The following SLAMF1 variants were observed in gnomAD, a reference collection of about 807,000 sequenced individuals.
The protein encoded by SLAMF1 is signaling lymphocytic activation molecule family member 1.
SLAMF1 carries 18 observed loss-of-function variants against 35.1 expected under a neutral mutation model. That is an observed-to-expected ratio of 0.51 (90% confidence interval 0.35 to 0.76). The LOEUF is 0.76. SLAMF1 is among the 30% of genes least tolerant of loss of function. The pLI, the probability that SLAMF1 is intolerant of heterozygous loss-of-function variation, is 0.01. For synonymous variants in SLAMF1, 168 were observed against 157.2 expected, an observed-to-expected ratio of 1.07 and a Z score of -0.51; for missense variants, 392 against 413.0, an observed-to-expected ratio of 0.95 and a Z score of 0.44.
At position 160,634,773 on chromosome 1, in the gene SLAMF1, C is replaced by T. The variant is rs370987747; in HGVS notation, c.540G>A (p.Ala180=). ...TGGCTGGGTTCAGTGGGTGGGTGCC[C>T]GCCTTTTCACTCCAGCTGTAAGCCA... The part of the protein sequence containing the change: ...DHVAYSWSEK[A]GTHPLNPANS... Residue 180 remains alanine, a synonymous_variant, in exon 3 of 7, where the codon GCG becomes GCA. Coordinates refer to ENST00000302035, the MANE Select transcript of SLAMF1 (RefSeq NM_003037.5). The T allele has an allele frequency of 5.8e-5, 94 of 1,614,054 alleles. No homozygotes were observed. The highest frequency in any genetic ancestry group is 3.8e-4 in the South Asian group (35 of 91,086).
rs760537897 is a variant in SLAMF1 at position 160,637,353 on chromosome 1, C to T, written c.253G>A (p.Glu85Lys). The change falls in exon 2 of 7, where the codon GAA (glutamate) becomes AAA (lysine). Residue 85 changes from glutamate (E) to lysine (K), a missense_variant. By Grantham distance (56) the Glu-to-Lys change is moderately conservative (BLOSUM62 1). Transcript: ENST00000302035. ...ENKIVSLDPS[E>K]AGPPRYLGDR... Reference sequence around the variant, plus strand: ...CCTAGATAACGTGGAGGGCCTGCTTCGGATGGATCAAGAGACACTATTTTG... The same window carrying T: ...CCTAGATAACGTGGAGGGCCTGCTTTGGATGGATCAAGAGACACTATTTTG... 8.7e-6 allele frequency: 14 copies of T among 1,613,976 alleles called. No homozygotes were observed. The Admixed American group carries it at 1.5e-4, about 17-fold the overall frequency.
chr1:160,643,396 C>T (rs1366788541), intron 1 of SLAMF1, among the ~76,000 whole-genome samples: 1 of 152,168 alleles, frequency 6.6e-6, no homozygotes, highest in African/African-American at 2.4e-5. Flanking sequence ...CTTCATGGCA[C>T]CCTGGGCGCT....
rs182821482 is a variant in SLAMF1, at chr1:160,623,532, G to A, written c.790+564C>T. 92 of 398,792 alleles carry A rather than the reference G, an allele frequency of 2.3e-4. No homozygotes were observed. In the East Asian group the frequency reaches 3.3e-3, roughly 14 times the overall value. The allele number at this position is 398,792 out of a possible 1,614,324, so 24.7% of individuals were successfully genotyped here. On this transcript the variant is annotated intron_variant, in intron 4 of 6. Coordinates refer to ENST00000302035, the MANE Select transcript of SLAMF1 (RefSeq NM_003037.5). ...GGAAGGCAGCCGGGGCATCTCTCCT[G>A]GTCTTGGGTCAGGACATTTTGACTC...
intron 4 of SLAMF1, among the ~76,000 whole-genome samples, chr1:160,621,784 C>T (rs1013232747): frequency 3.3e-5 from 5 of 151,474 alleles, no homozygotes; most frequent in Non-Finnish European, 5.9e-5. Flanking sequence ...GGTATGAGCA[C>T]GGTGTGCCTA....
intron 3 of SLAMF1, among the ~76,000 whole-genome samples, chr1:160,630,549 G>A (rs894939166): frequency 3.3e-5 from 5 of 151,954 alleles, no homozygotes; most frequent in Non-Finnish European, 4.4e-5. Flanking sequence ...ATAAACCCTC[G>A]GACCCCACCC....
In SLAMF1 at chr1:160,634,534, G is replaced by A. The variant is rs143863119; in HGVS notation, c.700+79C>T. On this transcript the variant is annotated intron_variant, in intron 3 of 6. Coordinates refer to ENST00000302035, the MANE Select transcript of SLAMF1 (RefSeq NM_003037.5). ...TATTGTTACTAAGGTGAATGCCATG[G>A]CTGGGGAGCAATTGGACCATGTGAA... 130 of 1,463,048 alleles carry A rather than the reference G, an allele frequency of 8.9e-5. No individual in the cohort carries two copies. The African/African-American group carries it at 1.5e-3, about 16-fold the overall frequency. The allele number at this position is 1,463,048 out of a possible 1,614,324, so 90.6% of individuals were successfully genotyped here.
chr1:160,611,913 A>T (rs1191982356), intron 6 of SLAMF1, among the ~76,000 whole-genome samples: 2 of 152,140 alleles, frequency 1.3e-5, no homozygotes, highest in African/African-American at 4.8e-5. Context: ...TTGAGTGTGT[A>T]TCAGAATTAC....
rs534493828 is a variant in SLAMF1 at position 160,626,642 on chromosome 1, A to G, written c.701-2457T>C. The stretch of plus-strand genomic sequence containing the variant: ...GACAGGAGTATCCAGAGTCATAGAA[A>G]AAGTCAGTGGCAGAGCTGGATAAGA... On this transcript the variant is annotated intron_variant, in intron 3 of 6. Coordinates refer to ENST00000302035, the MANE Select transcript of SLAMF1 (RefSeq NM_003037.5). Among the ~76,000 whole-genome samples, 6 of 152,300 alleles carry G rather than the reference A, an allele frequency of 3.9e-5. No individual in the cohort carries two copies. In the East Asian group the frequency reaches 9.6e-4, roughly 24 times the overall value.
intron 5 of SLAMF1, among the ~76,000 whole-genome samples, chr1:160,614,290 C>T (rs1659164150): frequency 6.6e-6 from 1 of 152,080 alleles, no homozygotes; most frequent in East Asian, 1.9e-4. Flanking sequence ...ATTAAGAGAC[C>T]TTTGGCCGGG....
chr1:160,642,260 A>G lies in SLAMF1; in HGVS notation c.76+4610T>C, dbSNP rs1199540756. 6.6e-6 allele frequency among the ~76,000 whole-genome samples: 1 copy of G among 152,152 alleles called. No individual in the cohort carries two copies. The highest frequency in any genetic ancestry group is 1.9e-4 in the East Asian group (1 of 5,188). On this transcript the variant is annotated intron_variant, in intron 1 of 6. Coordinates refer to ENST00000302035, the MANE Select transcript of SLAMF1 (RefSeq NM_003037.5). This position sits in a 1 kb window ranked among gnomAD's most constrained non-coding sequence, Gnocchi z 4.2. ...GCACTGCTGGGTCTTTCTATCTTAGACTATTAGTATGTACGTTCCCTAGCC... is the reference window on the plus strand; with the variant it reads ...GCACTGCTGGGTCTTTCTATCTTAGGCTATTAGTATGTACGTTCCCTAGCC...
At chr1:160,635,673 G>A (rs920011342) in intron 2 of SLAMF1, among the ~76,000 whole-genome samples, 13 of 149,546 alleles carry the variant, frequency 8.7e-5, no homozygotes, top group Admixed American at 7.4e-4. Context: ...CTGGGTTCAC[G>A]CCATTCTCCT....
At chr1:160,632,278 G>A (rs1194544428) in intron 3 of SLAMF1, among the ~76,000 whole-genome samples, 3 of 152,030 alleles carry the variant, frequency 2.0e-5, no homozygotes, top group Non-Finnish European at 2.9e-5. Flanking sequence ...TCATTTGTTC[G>A]CCCTTTTCAT....
In SLAMF1 at chr1:160,625,813, C is replaced by T. The variant is rs534833274; in HGVS notation, c.701-1628G>A. 2.7e-5 allele frequency among the ~76,000 whole-genome samples: 4 copies of T among 149,268 alleles called. No individual in the cohort carries two copies. In the East Asian group the frequency reaches 5.8e-4, roughly 22 times the overall value. On this transcript the variant is annotated intron_variant, in intron 3 of 6. Coordinates refer to ENST00000302035, the MANE Select transcript of SLAMF1 (RefSeq NM_003037.5). ...GAGTGACTTATGGTCACTGAGAACC[C>T]TCTGTGCAGGAGTGTGTGTGTGTGT...
At chr1:160,626,134 A>T (rs2102307458) in intron 3 of SLAMF1, among the ~76,000 whole-genome samples, 1 of 152,336 alleles carries the variant, frequency 6.6e-6, no homozygotes, top group African/African-American at 2.4e-5. Flanking sequence ...ATATCATTTT[A>T]AAAGATAATA....
chr1:160,623,939 A>G (rs1335844929), intron 4 of SLAMF1, among the ~76,000 whole-genome samples, 157 bp downstream of exon 4: 1 of 152,162 alleles, frequency 6.6e-6, no homozygotes, highest in African/African-American at 2.4e-5. Flanking sequence ...ATTAGACTGA[A>G]TTAAGCAAGG....
chr1:160,622,728 C>A (rs1437169658), intron 4 of SLAMF1, among the ~76,000 whole-genome samples: 2 of 152,192 alleles, frequency 1.3e-5, no homozygotes, highest in Admixed American at 6.5e-5. Flanking sequence ...TTTGATCACA[C>A]AGCTTGTCAG....
At chr1:160,646,166 A>T (rs1661029246) in intron 1 of SLAMF1, among the ~76,000 whole-genome samples, 1 of 152,192 alleles carries the variant, frequency 6.6e-6, no homozygotes, top group African/African-American at 2.4e-5. Context: ...CCAGATCCAA[A>T]GGTAGCTCTT....
chr1:160,640,327 T>C (rs12735758), intron 1 of SLAMF1, among the ~76,000 whole-genome samples: 10 of 81,748 alleles, frequency 1.2e-4, no homozygotes, highest in African/African-American at 4.0e-4. Flanking sequence ...AGGTTTGTCA[T>C]ATATATATAT....
Position 160,642,817 on chromosome 1 carries a change from A to G in SLAMF1, c.76+4053T>C, listed in dbSNP as rs1660821765. Among the ~76,000 whole-genome samples, 1 of 152,196 alleles carries G rather than the reference A, an allele frequency of 6.6e-6. No individual in the cohort carries two copies. The highest frequency in any genetic ancestry group is 1.5e-5 in the Non-Finnish European group (1 of 68,038). On this transcript the variant is annotated intron_variant, in intron 1 of 6. Transcript: ENST00000302035. This position sits in a 1 kb window ranked among gnomAD's most constrained non-coding sequence, Gnocchi z 4.2. The stretch of plus-strand genomic sequence containing the variant: ...AAACCCTAGGTTTCAGGTACAACAG[A>G]CAACTTGCCAAGAACACTTGAAACC...
Sources: gnomAD v4.1 joint callset for allele counts (sites outside exome capture counted in the v4.1 genomes callset) on GRCh38, gnomAD v4.1.1 for gene constraint, Gnocchi (gnomAD v3.1) non-coding constraint, MANE v1.5 for transcripts, NCBI Gene and HGNC (gene_info 2026-07-23, HGNC 2026-07-21) for gene names.